Variants in SLC38A10 observed in about 807,000 individuals in gnomAD.
SLC38A10 encodes the protein solute carrier family 38 member 10.
Under a neutral mutation model 81.0 loss-of-function variants are expected in SLC38A10, and 53 were observed. That is an observed-to-expected ratio of 0.65 (90% CI 0.53 to 0.82). The LOEUF (loss-of-function observed/expected upper bound fraction) is 0.82. Ranked by LOEUF, SLC38A10 falls within the 40% of genes least tolerant of loss-of-function variation. The pLI is 0.00. For missense variants in SLC38A10, 1,471 were observed against 1,545.0 expected (o/e 0.95, Z 0.80); for synonymous variants, 665 against 655.3 (o/e 1.01, Z -0.23).
rs1479389389 is a variant in SLC38A10 at position 81,245,997 on chromosome 17, C to G, written c.2919G>C (p.Gln973His). The G allele has an allele frequency of 1.0e-5, 16 of 1,605,912 alleles. No individual in the cohort carries two copies. The African/African-American group carries it at 1.6e-4, about 16-fold the overall frequency. Reference protein sequence around the residue: ...VISDGEQGGQQGHRLDHGGHL... With the variant: ...VISDGEQGGQHGHRLDHGGHL... ...GACCGCCATGGTCCAGCCGGTGGCCCTGCTGTCCACCCTGCTCGCCATCAG... is the reference window on the plus strand; with the variant it reads ...GACCGCCATGGTCCAGCCGGTGGCCGTGCTGTCCACCCTGCTCGCCATCAG... Residue 973 changes from glutamine to histidine, a missense_variant, in exon 16 of 16, where the codon CAG becomes CAC. Transcript: ENST00000374759.
At position 81,246,948 on chromosome 17, in the gene SLC38A10, C is replaced by G; in HGVS notation, c.2179G>C (p.Glu727Gln). The G allele has an allele frequency of 6.2e-7, 1 of 1,607,680 alleles. No individual in the cohort carries two copies. Among genetic ancestry groups the G allele is most frequent in the Non-Finnish European group, 8.5e-7 (1 of 1,179,604 alleles). The stretch of plus-strand genomic sequence containing the variant: ...TGGTGGATCTCCTTGTGCTGCTCCT[C>G]GATCACCGCCAGCAGCTTCTCCTGC... The part of the protein sequence containing the change: ...DQQEKLLAVI[E>Q]EQHKEIHQQR... Residue 727 changes from glutamate (E) to glutamine (Q), a missense_variant, in exon 15 of 16, where the codon GAG becomes CAG. Around this residue, in one of 2 missense-constraint regions of SLC38A10, gnomAD observed 751 missense variants for 717.4 expected, o/e 1.05. Transcript: ENST00000374759.
intron 10 of SLC38A10, among the ~76,000 whole-genome samples, chr17:81,262,580 C>G (rs1034964213): frequency 2.6e-5 from 4 of 152,210 alleles, no homozygotes; most frequent in Non-Finnish European, 2.9e-5. Flanking sequence ...ATTTATCTCC[C>G]TACTTGGACT....
chr17:81,276,338 T>A lies in SLC38A10; in HGVS notation c.730-187A>T, dbSNP rs1279251517. 6.6e-6 allele frequency among the ~76,000 whole-genome samples: 1 copy of A among 151,990 alleles called. No homozygotes were observed. The highest frequency in any genetic ancestry group is 1.5e-5 in the Non-Finnish European group (1 of 67,990). On this transcript the variant is annotated intron_variant, in intron 7 of 15. Coordinates refer to ENST00000374759, the MANE Select transcript of SLC38A10 (RefSeq NM_001037984.3). The surrounding 1 kb of genome is among the most constrained non-coding windows in gnomAD (Gnocchi z 4.7). ...AAGGCACCATTTCGCCTCCTCCTTC[T>A]AAAAATCTCTAGTTTCTGTAAGAAC...
At chr17:81,280,364 G>C (rs568662536) in intron 6 of SLC38A10, among the ~76,000 whole-genome samples, 64 of 152,298 alleles carry the variant, frequency 4.2e-4, no homozygotes, top group Middle Eastern at 3.4e-3. Flanking sequence ...GTGGGGATCT[G>C]GCAAACCAGG....
intron 1 of SLC38A10, among the ~76,000 whole-genome samples, chr17:81,292,106 C>A (rs367559891): frequency 2.0e-5 from 3 of 151,784 alleles, no homozygotes; most frequent in African/African-American, 7.3e-5. Flanking sequence ...ATATCTATAT[C>A]TATCTAGATA....
At chr17:81,264,280 A>G (rs1348141947) in intron 10 of SLC38A10, 1 of 152,556 alleles carries the variant, frequency 6.6e-6, no homozygotes, top group Non-Finnish European at 1.5e-5. Context: ...TACTTCCAGC[A>G]CAGCTTCCTG....
intron 10 of SLC38A10, among the ~76,000 whole-genome samples, chr17:81,266,973 C>A (rs978122757): frequency 1.8e-4 from 27 of 152,208 alleles, no homozygotes; most frequent in Admixed American, 1.8e-3. Context: ...GTATTATTAA[C>A]AGCCAAGAGG....
Position 81,251,120 on chromosome 17 carries a change from G to T in SLC38A10, c.2065+373C>A, listed in dbSNP as rs533659893. Reference sequence around the variant, plus strand: ...CTGGGTGCAGGCACGCCCACACCTGGCTGGCTTTAAATACTCCGAGTGTTA... The same window carrying T: ...CTGGGTGCAGGCACGCCCACACCTGTCTGGCTTTAAATACTCCGAGTGTTA... On this transcript the variant is annotated intron_variant, in intron 14 of 15. Coordinates refer to ENST00000374759, the MANE Select transcript of SLC38A10 (RefSeq NM_001037984.3). 16 of 1,509,236 alleles carry T rather than the reference G, an allele frequency of 1.1e-5. No individual in the cohort carries two copies. The East Asian group carries it at 3.4e-4, about 33-fold the overall frequency. 93.5% of individuals were successfully genotyped at this position (1,509,236 alleles called of 1,614,324 possible).
Position 81,283,226 on chromosome 17 carries a change from G to C in SLC38A10, c.357+183C>G, listed in dbSNP as rs2063231457. The stretch of plus-strand genomic sequence containing the variant: ...CTCTGCCTGGCTTGCTTCCTCGCGT[G>C]TACCTCTCACAGACGTGACCCAGCA... On this transcript the variant is annotated intron_variant, in intron 4 of 15. Transcript: ENST00000374759. The surrounding 1 kb of genome is among the most constrained non-coding windows in gnomAD (Gnocchi z 4.7). Among the ~76,000 whole-genome samples, 1 of 152,076 alleles carries C rather than the reference G, an allele frequency of 6.6e-6. No individual in the cohort carries two copies. The highest frequency in any genetic ancestry group is 6.5e-5 in the Admixed American group (1 of 15,282).
In SLC38A10 at chr17:81,283,617, CTTTTTTT is replaced by C. The variant is rs111438281; in HGVS notation, c.264-122_264-116del. The C allele has an allele frequency of 2.8e-4, 146 of 517,988 alleles. 3 individuals carry two copies. The highest frequency in any genetic ancestry group is 2.1e-3 in the South Asian group (98 of 46,216). 32.1% of individuals were successfully genotyped at this position (517,988 alleles called of 1,614,324 possible). On this transcript the variant is annotated intron_variant, in intron 3 of 15. Coordinates refer to ENST00000374759, the MANE Select transcript of SLC38A10 (RefSeq NM_001037984.3). The surrounding 1 kb of genome is among the most constrained non-coding windows in gnomAD (Gnocchi z 4.7). ...GAATGACAGATGTGATTTCTTTTTT[CTTTTTTT>C]TTTTTTTGAAACAGAGTCTCACTCT...
At position 81,286,351 on chromosome 17, in the gene SLC38A10, G is replaced by A. The variant is rs977020151; in HGVS notation, c.218-1456C>T. ...GGAGGCTGTCTAGGAAATCAGGGCA[G>A]CACTCTCTTCTGGTTCCCAGGACAA... On this transcript the variant is annotated intron_variant, in intron 2 of 15. Coordinates refer to ENST00000374759, the MANE Select transcript of SLC38A10 (RefSeq NM_001037984.3). This position sits in a 1 kb window ranked among gnomAD's most constrained non-coding sequence, Gnocchi z 6.0. 6.6e-6 allele frequency among the ~76,000 whole-genome samples: 1 copy of A among 152,216 alleles called. No homozygotes were observed. The highest frequency in any genetic ancestry group is 1.5e-5 in the Non-Finnish European group (1 of 68,028).
At position 81,276,883 on chromosome 17, in the gene SLC38A10, G is replaced by A. The variant is rs1598399119; in HGVS notation, c.729+148C>T. 2.2e-5 allele frequency: 16 copies of A among 730,360 alleles called. No homozygotes were observed. The highest frequency in any genetic ancestry group is 1.3e-4 in the South Asian group (8 of 59,850). The allele number at this position is 730,360 out of a possible 1,614,324, so 45.2% of individuals were successfully genotyped here. On this transcript the variant is annotated intron_variant, in intron 7 of 15. Transcript: ENST00000374759. This position sits in a 1 kb window ranked among gnomAD's most constrained non-coding sequence, Gnocchi z 4.7. The stretch of plus-strand genomic sequence containing the variant: ...GCTGATGGAGCTGCCCCAGGTCCCC[G>A]CGCAGCCTCCAGACACTGGGATGGG...
rs1247977018 is a variant in SLC38A10 at position 81,272,588 on chromosome 17, G to A, written c.952C>T (p.Pro318Ser). 1 of 1,577,566 alleles carries A rather than the reference G, an allele frequency of 6.3e-7. No homozygotes were observed. The highest frequency in any genetic ancestry group is 8.6e-7 in the Non-Finnish European group (1 of 1,164,854). ...GTFAAGGYMP[P>S]LRFKALTLSV... The stretch of plus-strand genomic sequence containing the variant: ...AGGGTAAGTGCTTTAAACCGGAGAG[G>A]GGGCATGTAGCCCCCTGCTGCAAAG... The change falls in exon 9 of 16, where the codon CCT becomes TCT. Residue 318 changes from proline (P) to serine (S), a missense_variant. Pro to Ser is a moderately conservative substitution (Grantham distance 74). Transcript: ENST00000374759.
intron 11 of SLC38A10, 128 bp downstream of exon 11, chr17:81,260,110 C>T: frequency 8.2e-7 from 1 of 1,224,950 alleles, no homozygotes; most frequent in Non-Finnish European, 1.1e-6. Flanking sequence ...CTGGTGGCCC[C>T]ACCCTGCTGG....
chr17:81,280,039 C>T lies in SLC38A10; in HGVS notation c.626+570G>A, dbSNP rs1011618064. 6.2e-5 allele frequency: 25 copies of T among 403,758 alleles called. 1 individual carries two copies. The highest frequency in any genetic ancestry group is 8.6e-5 in the South Asian group (5 of 58,090). The allele number at this position is 403,758 out of a possible 1,614,324, so 25.0% of individuals were successfully genotyped here. On this transcript the variant is annotated intron_variant, in intron 6 of 15. Transcript: ENST00000374759. ...TCTTTTCCCGTCTGCGCCGGATTTA[C>T]GCCTCTCTTTTCAGCCGGTTACCAT...
Position 81,252,491 on chromosome 17 carries a change from T to C in SLC38A10, c.1649A>G (p.Gln550Arg). 1 of 1,613,328 alleles carries C rather than the reference T, an allele frequency of 6.2e-7. No homozygotes were observed. The highest frequency in any genetic ancestry group is 8.5e-7 in the Non-Finnish European group (1 of 1,179,950). ...PPLPDSEREK[Q>R]EPEQGEVGKR... The stretch of plus-strand genomic sequence containing the variant: ...CCCAACCTCTCCCTGCTCCGGCTCT[T>C]GTTTCTCTCTTTCTGAGTCGGGCAG... The change falls in exon 13 of 16, where the codon CAA (glutamine) becomes CGA (arginine). Residue 550 changes from glutamine (Q) to arginine (R), a missense_variant. Around this residue, in one of 2 missense-constraint regions of SLC38A10, gnomAD observed 720 missense variants for 827.7 expected, o/e 0.87. Coordinates refer to ENST00000374759, the MANE Select transcript of SLC38A10 (RefSeq NM_001037984.3).
chr17:81,280,760 G>C, intron 5 of SLC38A10, 27 bp from the exon 6 acceptor site: 1 of 1,598,774 alleles, frequency 6.3e-7, no homozygotes, highest in South Asian at 1.1e-5. Flanking sequence ...GAGAGAGCAC[G>C]GGGCAGGTCA....
chr17:81,256,327 T>C lies in SLC38A10; in HGVS notation c.1289-3087A>G, dbSNP rs535889347. On this transcript the variant is annotated intron_variant, in intron 11 of 15. Coordinates refer to ENST00000374759, the MANE Select transcript of SLC38A10 (RefSeq NM_001037984.3). ...CTGGAGGGGAAGGGGCAACATCTAA[T>C]GCATCCCCAACCCCACATTCAAGGC... 3.3e-5 allele frequency among the ~76,000 whole-genome samples: 5 copies of C among 152,272 alleles called. No individual in the cohort carries two copies. The East Asian group carries it at 9.7e-4, about 29-fold the overall frequency.
At chr17:81,247,094 G>A (rs1350613519) in intron 14 of SLC38A10, 33 bp from the exon 15 acceptor site, 45 of 1,553,158 alleles carry the variant, frequency 2.9e-5, no homozygotes, top group East Asian at 4.5e-5. Context: ...CAGAGTGCCC[G>A]GGCTGCTCAT....
Sources: allele counts gnomAD v4.1 joint callset (sites outside exome capture counted in the v4.1 genomes callset), GRCh38; gene constraint gnomAD v4.1.1; regional missense constraint gnomAD v4.1.1; non-coding constraint Gnocchi (gnomAD v3.1); transcripts MANE v1.5; gene names NCBI Gene and HGNC (gene_info 2026-07-23, HGNC 2026-07-21).